TENM3: variants seen among roughly 807,000 people sequenced by gnomAD.
TENM3 encodes the protein teneurin transmembrane protein 3.
TENM3 carries 63 observed loss-of-function variants against 255.1 expected under a neutral mutation model. The ratio of observed to expected loss-of-function variants is 0.25; its 90% CI spans 0.20 to 0.30. TENM3 has a LOEUF of 0.30. Ranked by LOEUF, TENM3 falls within the 10% of genes least tolerant of loss-of-function variation. The pLI is 1.00. For synonymous variants in TENM3, 1,306 were observed against 1,322.3 expected, an observed-to-expected ratio of 0.99 and a Z score of 0.27; for missense variants, 2,929 against 3,461.1, an observed-to-expected ratio of 0.85 and a Z score of 3.86.
chr4:182,519,883 T>A (rs185280940), intron 3 of TENM3, among the ~76,000 whole-genome samples: 3 of 152,098 alleles, frequency 2.0e-5, no homozygotes, highest in Non-Finnish European at 4.4e-5. Flanking sequence ...GTTGTTGTAT[T>A]TGGGAAAAAA....
the TENM3 span, among the ~76,000 whole-genome samples, chr4:182,076,553 C>T: frequency 6.6e-6 from 1 of 152,206 alleles, no homozygotes; most frequent in Non-Finnish European, 1.5e-5. Context: ...TCCTTCAAGA[C>T]ATCACTCACA....
At chr4:182,236,160 G>A (rs4241744) in intron 1 of TENM3, among the ~76,000 whole-genome samples, 139,463 of 152,252 alleles carry the variant, frequency 0.92, 64,004 homozygotes, top group Admixed American at 0.95. Flanking sequence ...TCCCCCAAGA[G>A]CAAAAATTTC....
the TENM3 span, among the ~76,000 whole-genome samples, chr4:181,638,792 G>A: frequency 6.6e-6 from 1 of 152,020 alleles, no homozygotes; most frequent in Non-Finnish European, 1.5e-5. Context: ...ATATATTCCA[G>A]AGTTCCTTTA....
chr4:181,561,657 T>G, the TENM3 span, among the ~76,000 whole-genome samples: 2 of 152,216 alleles, frequency 1.3e-5, no homozygotes, highest in Non-Finnish European at 2.9e-5. Flanking sequence ...ATTCTAGATA[T>G]GTGCTGTGAT....
intron 3 of TENM3, among the ~76,000 whole-genome samples, chr4:182,449,336 T>A (rs1246023189): frequency 6.6e-6 from 1 of 152,164 alleles, no homozygotes; most frequent in East Asian, 1.9e-4. Flanking sequence ...TTTTAACCCC[T>A]GAGGGACCAC....
chr4:182,151,677 CAAAA>C (rs956334632), intron 1 of TENM3, among the ~76,000 whole-genome samples: 2 of 151,586 alleles, frequency 1.3e-5, no homozygotes, highest in African/African-American at 4.8e-5. Flanking sequence ...AAAAACAAAA[CAAAA>C]CAAAAAAACG....
chr4:182,112,575 T>C, the TENM3 span, among the ~76,000 whole-genome samples: 1 of 152,222 alleles, frequency 6.6e-6, no homozygotes, highest in Non-Finnish European at 1.5e-5. Context: ...TAATTTTCTA[T>C]GTGTCTAAAA....
intron 22 of TENM3, among the ~76,000 whole-genome samples, chr4:182,757,223 A>G (rs1247925148): frequency 6.7e-6 from 1 of 150,022 alleles, no homozygotes; most frequent in Admixed American, 6.7e-5. Flanking sequence ...GAGGCAGAAG[A>G]ATGGCATGAA....
chr4:181,698,097 C>G, the TENM3 span, among the ~76,000 whole-genome samples: 1 of 151,734 alleles, frequency 6.6e-6, no homozygotes, highest in Non-Finnish European at 1.5e-5. Flanking sequence ...GCTTGTAGTC[C>G]CAGCTACTTG....
chr4:182,770,826 G>A lies in TENM3; in HGVS notation c.4893-2646G>A, dbSNP rs746716146. ...GGCTGTTCTGAAACTGTTGGGTGCCGGGTTAGATAGGAGCTCTGAGGACCC... is the reference window on the plus strand; with the variant it reads ...GGCTGTTCTGAAACTGTTGGGTGCCAGGTTAGATAGGAGCTCTGAGGACCC... On this transcript the variant is annotated intron_variant, in intron 22 of 27. Coordinates refer to ENST00000511685, the MANE Select transcript of TENM3 (RefSeq NM_001080477.4). 6.6e-5 allele frequency among the ~76,000 whole-genome samples: 10 copies of A among 152,162 alleles called. No homozygotes were observed. In the East Asian group the frequency reaches 9.6e-4, roughly 15 times the overall value.
At chr4:182,598,336 T>C (rs1479399380) in intron 3 of TENM3, among the ~76,000 whole-genome samples, 1 of 152,188 alleles carries the variant, frequency 6.6e-6, no homozygotes, top group Non-Finnish European at 1.5e-5. Flanking sequence ...TGTTGTCAAT[T>C]CAAGAGGTTC....
At chr4:181,515,586 G>T in the TENM3 span, among the ~76,000 whole-genome samples, 1 of 152,068 alleles carries the variant, frequency 6.6e-6, no homozygotes, top group African/African-American at 2.4e-5. Context: ...CTAAGCAGAA[G>T]TCCAAATAGT....
At chr4:182,420,491 C>G (rs1235229862) in intron 3 of TENM3, among the ~76,000 whole-genome samples, 1 of 152,244 alleles carries the variant, frequency 6.6e-6, no homozygotes, top group Admixed American at 6.5e-5. Flanking sequence ...GCCTCCACGA[C>G]TCTTCTGTGA....
At chr4:181,751,800 T>C in the TENM3 span, among the ~76,000 whole-genome samples, 9 of 152,140 alleles carry the variant, frequency 5.9e-5, no homozygotes, top group Non-Finnish European at 1.3e-4. Flanking sequence ...ATTGTTTGTG[T>C]TGGGGTGGGA....
chr4:181,684,453 CT>C, the TENM3 span, among the ~76,000 whole-genome samples: 1 of 152,274 alleles, frequency 6.6e-6, no homozygotes, highest in Middle Eastern at 3.4e-3. Flanking sequence ...CTTAAATCAT[CT>C]CTTGAGAATA....
the TENM3 span, among the ~76,000 whole-genome samples, chr4:181,533,769 C>T: frequency 4.6e-5 from 7 of 152,036 alleles, no homozygotes; most frequent in East Asian, 5.8e-4. Flanking sequence ...AGTTTTCTGA[C>T]GTAGACCTTC....
At chr4:181,901,919 TC>T in the TENM3 span, among the ~76,000 whole-genome samples, 2 of 152,126 alleles carry the variant, frequency 1.3e-5, no homozygotes, top group African/African-American at 4.8e-5. Flanking sequence ...TTTAGCAAGT[TC>T]TTTTTCCCCT....
chr4:182,552,973 A>G (rs1309798450), intron 3 of TENM3, among the ~76,000 whole-genome samples: 1 of 152,238 alleles, frequency 6.6e-6, no homozygotes, highest in Non-Finnish European at 1.5e-5. Context: ...GAGCGAGCCA[A>G]CACTTGGTTC....
intron 19 of TENM3, among the ~76,000 whole-genome samples, chr4:182,746,769 A>G (rs1169208217): frequency 6.6e-6 from 1 of 152,230 alleles, no homozygotes; most frequent in Non-Finnish European, 1.5e-5. Flanking sequence ...AAACGATAAA[A>G]TAAACGGAAG....
Sources: gnomAD v4.1 joint callset for allele counts (sites outside exome capture counted in the v4.1 genomes callset) on GRCh38, gnomAD v4.1.1 for gene constraint, MANE v1.5 for transcripts, NCBI Gene and HGNC (gene_info 2026-07-23, HGNC 2026-07-21) for gene names.